The following KIZ variants were observed in gnomAD, a reference collection of about 807,000 sequenced individuals.
KIZ encodes centrosomal protein kizuna.
KIZ carries 68 observed loss-of-function variants against 79.6 expected under a neutral mutation model. That is an observed-to-expected ratio of 0.85 (90% CI 0.70 to 1.05). The LOEUF is 1.05. Among genes scored for constraint, KIZ ranks in the 50% least tolerant of loss-of-function variants. The pLI is 0.00. For missense variants in KIZ, 797 were observed against 800.4 expected, an observed-to-expected ratio of 1.00 and a Z score of 0.05; for synonymous variants, 280 against 281.8, an observed-to-expected ratio of 0.99 and a Z score of 0.06.
At chr20:21,178,289 T>A (rs940738396) in intron 6 of KIZ, among the ~76,000 whole-genome samples, 2 of 152,054 alleles carry the variant, frequency 1.3e-5, no homozygotes, top group African/African-American at 4.8e-5. Flanking sequence ...GGAAGTCTTG[T>A]ACCTCCTTAA....
intron 6 of KIZ, among the ~76,000 whole-genome samples, chr20:21,188,321 C>CTCAG (rs2034968746): frequency 6.6e-6 from 1 of 152,212 alleles, no homozygotes; most frequent in Non-Finnish European, 1.5e-5. Context: ...AGTTTCCCCA[C>CTCAG]TCAGTCTGTT....
intron 7 of KIZ, among the ~76,000 whole-genome samples, chr20:21,206,717 A>G (rs1373419914): frequency 6.6e-6 from 1 of 152,218 alleles, no homozygotes; most frequent in Non-Finnish European, 1.5e-5. Context: ...CAGAGCTGTG[A>G]TAGGATTTCT....
At chr20:21,166,356 A>G (rs1054430845) in intron 6 of KIZ, 3 of 1,604,526 alleles carry the variant, frequency 1.9e-6, no homozygotes, top group Non-Finnish European at 2.5e-6. Flanking sequence ...TTTGAGTTGC[A>G]CGTCAAATCT....
At chr20:21,150,041 C>T (rs1226385575) in intron 4 of KIZ, among the ~76,000 whole-genome samples, 1 of 152,158 alleles carries the variant, frequency 6.6e-6, no homozygotes, top group Non-Finnish European at 1.5e-5. Flanking sequence ...GGTGCTCAGT[C>T]CCATTGGGGA....
intron 11 of KIZ, among the ~76,000 whole-genome samples, chr20:21,235,355 A>G (rs2036970535): frequency 6.6e-6 from 1 of 152,224 alleles, no homozygotes; most frequent in African/African-American, 2.4e-5. Context: ...CAGATTGGCA[A>G]CAGTTTATTA....
At chr20:21,138,743 T>C (rs1448673511) in intron 3 of KIZ, among the ~76,000 whole-genome samples, 1 of 152,144 alleles carries the variant, frequency 6.6e-6, no homozygotes, top group African/African-American at 2.4e-5. Flanking sequence ...ATCATGGGAA[T>C]ATTGTGTTCC....
chr20:21,192,241 A>G (rs943667700), intron 6 of KIZ, among the ~76,000 whole-genome samples: 3 of 141,650 alleles, frequency 2.1e-5, no homozygotes, highest in East Asian at 2.1e-4. Flanking sequence ...CTTAGGGACC[A>G]CCTCTCCAAA....
At chr20:21,207,436 C>A (rs1009823778) in intron 7 of KIZ, among the ~76,000 whole-genome samples, 2 of 132,452 alleles carry the variant, frequency 1.5e-5, no homozygotes, top group East Asian at 5.1e-4. Flanking sequence ...ACCCCCTCCT[C>A]CTCATCTTCC....
At position 21,162,955 on chromosome 20, in the gene KIZ, G is replaced by A; in HGVS notation, c.1148G>A (p.Ser383Asn). 3 of 1,613,846 alleles carry A rather than the reference G, an allele frequency of 1.9e-6. No individual in the cohort carries two copies. The highest frequency in any genetic ancestry group is 2.5e-6 in the Non-Finnish European group (3 of 1,179,800). The change falls in exon 6 of 13, where the codon AGT becomes AAT. Residue 383 changes from serine to asparagine, a missense_variant. Transcript: ENST00000619189. ...STSSDLTISI[S>N]EDDLILESPE... ...AGCAGTGACCTTACCATTTCAATAA[G>A]TGAAGATGATCTGATTTTAGAGAGC...
At chr20:21,209,353 T>C (rs994545854) in intron 7 of KIZ, among the ~76,000 whole-genome samples, 2 of 152,212 alleles carry the variant, frequency 1.3e-5, no homozygotes, top group African/African-American at 4.8e-5. Flanking sequence ...CAAGATGCCT[T>C]AATATTACTT....
chr20:21,194,424 C>T (rs1018142629), intron 6 of KIZ: 1 of 152,216 alleles, frequency 6.6e-6, no homozygotes, highest in African/African-American at 2.4e-5. Context: ...GTTTCTATAA[C>T]ACATAGTCTT....
At chr20:21,144,654 T>G (rs1344185533) in intron 3 of KIZ, among the ~76,000 whole-genome samples, 2 of 151,934 alleles carry the variant, frequency 1.3e-5, no homozygotes, top group African/African-American at 4.8e-5. Context: ...TCAAAATATT[T>G]TGAGGGAAAC....
At chr20:21,204,955 C>T (rs1266481935) in intron 6 of KIZ, among the ~76,000 whole-genome samples, 1 of 152,108 alleles carries the variant, frequency 6.6e-6, no homozygotes, top group African/African-American at 2.4e-5. Context: ...CATTGTTGTG[C>T]TTTAGAATCA....
chr20:21,232,708 A>C, intron 10 of KIZ, 26 bp from the exon 11 acceptor site: 1 of 1,234,816 alleles, frequency 8.1e-7, no homozygotes, highest in Non-Finnish European at 1.2e-6. Context: ...GCTAACCCTC[A>C]CTCTCCATGT....
intron 9 of KIZ, among the ~76,000 whole-genome samples, chr20:21,223,092 G>T (rs1448604442): frequency 6.6e-6 from 1 of 152,082 alleles, no homozygotes; most frequent in Non-Finnish European, 1.5e-5. Flanking sequence ...AAATCATTGA[G>T]TACAAATGGC....
intron 12 of KIZ, chr20:21,245,907 C>T (rs2037372611): frequency 6.6e-6 from 1 of 152,654 alleles, no homozygotes; most frequent in Non-Finnish European, 1.5e-5. Context: ...TGAGCCTTGC[C>T]TGTCCACTCA....
chr20:21,233,457 G>A (rs566462301), intron 11 of KIZ, among the ~76,000 whole-genome samples: 3 of 152,088 alleles, frequency 2.0e-5, no homozygotes, highest in Non-Finnish European at 4.4e-5. Flanking sequence ...GTAGCTTCAG[G>A]TCACTTAGAA....
intron 7 of KIZ, among the ~76,000 whole-genome samples, chr20:21,207,695 A>G (rs2123213286): frequency 6.6e-6 from 1 of 150,512 alleles, no homozygotes; most frequent in South Asian, 2.1e-4. Context: ...TTGCTGATGA[A>G]TGTAGATCTT....
chr20:21,182,745 C>G (rs759950407), intron 6 of KIZ, among the ~76,000 whole-genome samples: 1 of 147,758 alleles, frequency 6.8e-6, no homozygotes, highest in Non-Finnish European at 1.5e-5. Context: ...TGCAGTGAGC[C>G]GAGATTGTGC....
Sources: gnomAD v4.1 joint callset for allele counts (sites outside exome capture counted in the v4.1 genomes callset) on GRCh38, gnomAD v4.1.1 for gene constraint, MANE v1.5 for transcripts, NCBI Gene and HGNC (gene_info 2026-07-23, HGNC 2026-07-21) for gene names.